IQCH: variants seen among roughly 807,000 people sequenced by gnomAD.
IQCH encodes the protein IQ domain-containing protein H.
A neutral mutation model predicts 117.0 loss-of-function variants in IQCH; 98 were observed. That is an observed-to-expected ratio of 0.84 (90% CI 0.71 to 0.99). IQCH has a LOEUF of 0.99. Ranked by LOEUF, IQCH falls within the 50% of genes least tolerant of loss-of-function variation. The probability of loss-of-function intolerance (pLI) is 0.00; values close to 1 mark genes in which losing one functional copy is unlikely to be tolerated. For synonymous variants in IQCH, 412 were observed against 448.2 expected (o/e 0.92, Z 1.02); for missense variants, 1,102 against 1,243.8 (o/e 0.89, Z 1.72).
At position 67,413,445 on chromosome 15, in the gene IQCH, G is replaced by C. The variant is rs145421102; in HGVS notation, c.2098-3486G>C. 1 of 152,246 alleles carries C rather than the reference G, an allele frequency of 6.6e-6. No homozygotes were observed. Among genetic ancestry groups the C allele is most frequent in the South Asian group, 2.1e-4 (1 of 4,818 alleles). The allele number at this position is 152,246 out of a possible 1,614,324, so 9.4% of individuals were successfully genotyped here. A position where few individuals can be genotyped will look rare whatever the true frequency, so the allele number is the denominator to read the frequency against. ...AAACCAGACTGTAAAGGGTTGTTTT[G>C]TTGGGGGGATAAAATAAAATGAAGC... On this transcript the variant is annotated intron_variant, in intron 14 of 20. Transcript: ENST00000335894. The surrounding 1 kb of genome is among the most constrained non-coding windows in gnomAD (Gnocchi z 5.0).
chr15:67,336,064 T>C (rs529519727), intron 4 of IQCH, among the ~76,000 whole-genome samples: 1 of 152,236 alleles, frequency 6.6e-6, no homozygotes, highest in South Asian at 2.1e-4. Context: ...TCAGATTAAT[T>C]TCAGAATTGA....
At chr15:67,258,265 C>T (rs1427868070) in intron 1 of IQCH, among the ~76,000 whole-genome samples, 1 of 150,700 alleles carries the variant, frequency 6.6e-6, no homozygotes, top group Non-Finnish European at 1.5e-5. Flanking sequence ...CGCGGTGGCT[C>T]ATGCCTGTAA....
intron 4 of IQCH, chr15:67,281,629 A>G (rs1486241540): frequency 1.1e-5 from 5 of 452,014 alleles, no homozygotes; most frequent in Non-Finnish European, 2.2e-5. Context: ...TCCCAGATCC[A>G]GGAAATGACT....
chr15:67,284,225 T>C (rs949082836), intron 4 of IQCH, among the ~76,000 whole-genome samples: 9 of 152,116 alleles, frequency 5.9e-5, no homozygotes, highest in African/African-American at 9.7e-5. Context: ...TAACTATCCT[T>C]CTACTTTCCA....
chr15:67,279,723 C>T (rs577176183), intron 4 of IQCH, among the ~76,000 whole-genome samples: 1 of 152,152 alleles, frequency 6.6e-6, no homozygotes, highest in African/African-American at 2.4e-5. Context: ...TGAATTTTGG[C>T]TGGGTGCAGT....
At chr15:67,350,625 G>A (rs563919462) in intron 6 of IQCH, among the ~76,000 whole-genome samples, 76 of 152,056 alleles carry the variant, frequency 5.0e-4, no homozygotes, top group Admixed American at 8.5e-4. Flanking sequence ...ATGGGGTTTC[G>A]CCATGTTGGC....
chr15:67,455,379 T>C (rs1027148177), intron 16 of IQCH, among the ~76,000 whole-genome samples: 6 of 152,224 alleles, frequency 3.9e-5, no homozygotes, highest in African/African-American at 9.6e-5. Flanking sequence ...CTCTTCCCCT[T>C]GTGAGCCGCA....
chr15:67,275,213 C>A (rs1966072776), intron 3 of IQCH, among the ~76,000 whole-genome samples: 1 of 152,156 alleles, frequency 6.6e-6, no homozygotes, highest in Non-Finnish European at 1.5e-5. Flanking sequence ...GTCAGGAACC[C>A]AAGGTGATAG....
At chr15:67,287,837 T>C (rs915039189) in intron 4 of IQCH, among the ~76,000 whole-genome samples, 2 of 152,178 alleles carry the variant, frequency 1.3e-5, no homozygotes, top group Admixed American at 1.3e-4. Flanking sequence ...TTAGGTTATT[T>C]ATTTGAAGCT....
rs543075982 is a variant in IQCH at position 67,474,647 on chromosome 15, C to T, written c.2677-1049C>T. ...AAGCAAGATAAAGAAGAGCCGTTTCCCCAAAGAAAGCAGCATCAAATTTCT... is the reference window on the plus strand; with the variant it reads ...AAGCAAGATAAAGAAGAGCCGTTTCTCCAAAGAAAGCAGCATCAAATTTCT... On this transcript the variant is annotated intron_variant, in intron 17 of 20. Coordinates refer to ENST00000335894, the MANE Select transcript of IQCH (RefSeq NM_001031715.3). The surrounding 1 kb of genome is among the most constrained non-coding windows in gnomAD (Gnocchi z 4.1). 6.4e-4 allele frequency among the ~76,000 whole-genome samples: 97 copies of T among 152,066 alleles called. No homozygotes were observed. Among genetic ancestry groups the T allele is most frequent in the Non-Finnish European group, 2.1e-4 (14 of 67,998 alleles).
Position 67,411,145 on chromosome 15 carries a change from T to G in IQCH, c.2098-5786T>G, listed in dbSNP as rs576688635. ...CCTGTGCACACGGAGGCAGCCCTTC[T>G]AAATTCACCCTCAAATTTGGAACCC... On this transcript the variant is annotated intron_variant, in intron 14 of 20. Coordinates refer to ENST00000335894, the MANE Select transcript of IQCH (RefSeq NM_001031715.3). This position sits in a 1 kb window ranked among gnomAD's most constrained non-coding sequence, Gnocchi z 4.4. Among the ~76,000 whole-genome samples, 1 of 152,312 alleles carries G rather than the reference T, an allele frequency of 6.6e-6. No individual in the cohort carries two copies. The highest frequency in any genetic ancestry group is 1.9e-4 in the East Asian group (1 of 5,164).
At chr15:67,312,560 C>T (rs945770240) in intron 4 of IQCH, among the ~76,000 whole-genome samples, 1 of 152,098 alleles carries the variant, frequency 6.6e-6, no homozygotes. Context: ...AAAGTGGATA[C>T]GTCTAGACTA....
rs528133044 is a variant in IQCH, at chr15:67,409,199, G to A, written c.2098-7732G>A. Among the ~76,000 whole-genome samples, 72 of 152,206 alleles carry A rather than the reference G, an allele frequency of 4.7e-4. 1 individual carries two copies. The highest frequency in any genetic ancestry group is 4.3e-3 in the Admixed American group (66 of 15,286). ...CCATGAACCAAGGACAGGGCTTGTC[G>A]GGGCTTTGATGATGGCAATTTTGTC... On this transcript the variant is annotated intron_variant, in intron 14 of 20. Coordinates refer to ENST00000335894, the MANE Select transcript of IQCH (RefSeq NM_001031715.3).
chr15:67,446,806 A>G (rs2082402280), intron 16 of IQCH, among the ~76,000 whole-genome samples: 1 of 152,202 alleles, frequency 6.6e-6, no homozygotes. Context: ...CAGCTCCTAT[A>G]CATAGGCTCT....
At chr15:67,264,893 A>AAG (rs1567047884) in intron 3 of IQCH, among the ~76,000 whole-genome samples, 1 of 140,586 alleles carries the variant, frequency 7.1e-6, no homozygotes, top group East Asian at 2.6e-4. Flanking sequence ...CCCCTACCAT[A>AAG]TGTATATATA....
At chr15:67,312,809 C>T (rs1447087117) in intron 4 of IQCH, among the ~76,000 whole-genome samples, 1 of 152,106 alleles carries the variant, frequency 6.6e-6, no homozygotes, top group Non-Finnish European at 1.5e-5. Flanking sequence ...TTGTTTTTAT[C>T]ATGGTCCAGG....
chr15:67,316,587 A>G (rs1967857361), intron 4 of IQCH, among the ~76,000 whole-genome samples: 1 of 152,224 alleles, frequency 6.6e-6, no homozygotes, highest in Non-Finnish European at 1.5e-5. Flanking sequence ...AGCAATAGCT[A>G]ACATTTCTGA....
intron 4 of IQCH, among the ~76,000 whole-genome samples, chr15:67,311,938 C>T (rs144562026): frequency 6.3e-4 from 96 of 152,206 alleles, no homozygotes; most frequent in African/African-American, 2.1e-3. Flanking sequence ...TGGGGGAATC[C>T]AGGAAGAGAG....
In IQCH at chr15:67,254,850, G is replaced by C. The variant is rs762543048; in HGVS notation, c.-47G>C. 3 of 1,593,578 alleles carry C rather than the reference G, an allele frequency of 1.9e-6. No individual in the cohort carries two copies. The highest frequency in any genetic ancestry group is 2.6e-6 in the Non-Finnish European group (3 of 1,166,316). On this transcript the variant is annotated 5_prime_UTR_variant, in exon 1 of 21. Coordinates refer to ENST00000335894, the MANE Select transcript of IQCH (RefSeq NM_001031715.3). ...AGCGGCTCCGGCTGAAGGTTTCCGT[G>C]CTTGGAAACCGCGCCTCCGCGGAGG...
Sources: gnomAD v4.1 joint callset for allele counts (sites outside exome capture counted in the v4.1 genomes callset) on GRCh38, gnomAD v4.1.1 for gene constraint, Gnocchi (gnomAD v3.1) non-coding constraint, MANE v1.5 for transcripts, NCBI Gene and HGNC (gene_info 2026-07-23, HGNC 2026-07-21) for gene names.